NUCKS1: variants seen among roughly 807,000 people sequenced by gnomAD.
NUCKS1 encodes the protein nuclear ubiquitous casein and cyclin-dependent kinase substrate 1.
A neutral mutation model predicts 33.0 loss-of-function variants in NUCKS1; 2 were observed. That is an observed-to-expected ratio of 0.06 (90% CI 0.02 to 0.19). NUCKS1 has a LOEUF of 0.19. Among genes scored for constraint, NUCKS1 ranks in the 10% least tolerant of loss-of-function variants. NUCKS1 has a pLI of 1.00. For synonymous variants in NUCKS1, 106 were observed against 102.8 expected (o/e 1.03, Z -0.19); for missense variants, 201 against 293.6 (o/e 0.68, Z 2.31).
intron 6 of NUCKS1, 76 bp from the exon 7 acceptor site, chr1:205,718,555 A>G (rs1000575053): frequency 6.4e-7 from 1 of 1,568,256 alleles, no homozygotes; most frequent in African/African-American, 1.4e-5. Context: ...AAAATACAAC[A>G]ATCTGTAAGA....
chr1:205,714,373 C>T lies in NUCKS1; in HGVS notation c.*3907G>A, dbSNP rs1462849606. 1 of 152,040 alleles carries T rather than the reference C, an allele frequency of 6.6e-6. No individual in the cohort carries two copies. The highest frequency in any genetic ancestry group is 1.5e-5 in the Non-Finnish European group (1 of 68,020). 9.4% of individuals were successfully genotyped at this position (152,040 alleles called of 1,614,324 possible). A position where few individuals can be genotyped will look rare whatever the true frequency, so the allele number is the denominator to read the frequency against. On this transcript the variant is annotated 3_prime_UTR_variant, in exon 7 of 7. Coordinates refer to ENST00000367142, the MANE Select transcript of NUCKS1 (RefSeq NM_022731.5). ...CAACGGTGGCATTCTACCAGCCACACAAAGCATGCTCAAACAGATGTCACC... is the reference window on the plus strand; with the variant it reads ...CAACGGTGGCATTCTACCAGCCACATAAAGCATGCTCAAACAGATGTCACC...
chr1:205,720,911 T>C (rs1012953716), intron 4 of NUCKS1, among the ~76,000 whole-genome samples: 4 of 152,162 alleles, frequency 2.6e-5, no homozygotes, highest in Non-Finnish European at 5.9e-5. Flanking sequence ...ATACACACCA[T>C]GGAATACTAT....
In NUCKS1 at chr1:205,719,626, C is replaced by T; in HGVS notation, c.433G>A (p.Asp145Asn). Reference protein sequence around the residue: ...DFLMEDDDDSDYGSSKKKNKK... With the variant: ...DFLMEDDDDSNYGSSKKKNKK... ...TTTTTCTTTTTCGAACTGCCATAGT[C>T]ACTATCGTCATCATCTTCCATTAGG... Residue 145 changes from aspartate (D) to asparagine (N), a missense_variant, in exon 6 of 7, where the codon GAC (aspartate) becomes AAC (asparagine). Coordinates refer to ENST00000367142, the MANE Select transcript of NUCKS1 (RefSeq NM_022731.5). The T allele has an allele frequency of 6.2e-7, 1 of 1,613,654 alleles. No homozygotes were observed. Among genetic ancestry groups the T allele is most frequent in the Non-Finnish European group, 8.5e-7 (1 of 1,179,850 alleles).
chr1:205,747,066 TGAAAGC>T (rs1296825021), intron 1 of NUCKS1, among the ~76,000 whole-genome samples: 3 of 152,200 alleles, frequency 2.0e-5, no homozygotes, highest in Admixed American at 6.5e-5. Context: ...AGTTGACTCA[TGAAAGC>T]ACTTAAAAAA....
intron 1 of NUCKS1, among the ~76,000 whole-genome samples, chr1:205,748,505 G>C (rs1324138941): frequency 6.6e-6 from 1 of 152,218 alleles, no homozygotes; most frequent in African/African-American, 2.4e-5. Flanking sequence ...ACTATACTCT[G>C]AAAGAGCTAT....
intron 1 of NUCKS1, among the ~76,000 whole-genome samples, chr1:205,745,668 G>A (rs549737872): frequency 6.2e-4 from 95 of 152,112 alleles, no homozygotes; most frequent in Non-Finnish European, 1.0e-3. Flanking sequence ...CTGAATACTA[G>A]GCAAGAAAGA....
chr1:205,740,065 T>C (rs553631214), intron 1 of NUCKS1, among the ~76,000 whole-genome samples: 1 of 133,364 alleles, frequency 7.5e-6, no homozygotes, highest in African/African-American at 2.8e-5. Context: ...TACAGTGGCA[T>C]GATGATGGCT....
At chr1:205,740,754 G>T (rs1433771221) in intron 1 of NUCKS1, among the ~76,000 whole-genome samples, 1 of 151,282 alleles carries the variant, frequency 6.6e-6, no homozygotes, top group African/African-American at 2.4e-5. Context: ...TGCAGAAAAC[G>T]GAGGTGGGTA....
chr1:205,741,461 A>C (rs962230327), intron 1 of NUCKS1, among the ~76,000 whole-genome samples: 1 of 152,270 alleles, frequency 6.6e-6, no homozygotes, highest in African/African-American at 2.4e-5. Flanking sequence ...AGAAACCTCT[A>C]ATGTGTGAGA....
At chr1:205,729,657 A>G in intron 1 of NUCKS1, 36 bp from the exon 2 acceptor site, 3 of 1,464,508 alleles carry the variant, frequency 2.0e-6, no homozygotes, top group Non-Finnish European at 2.9e-6. Context: ...AAATCATAAA[A>G]CTGTAGGATT....
chr1:205,748,907 G>A (rs558296974), intron 1 of NUCKS1, among the ~76,000 whole-genome samples: 1 of 152,088 alleles, frequency 6.6e-6, no homozygotes, highest in Non-Finnish European at 1.5e-5. Context: ...CCTTTTTAAG[G>A]CCTCAACAGA....
chr1:205,730,567 C>A (rs187559591), intron 1 of NUCKS1, among the ~76,000 whole-genome samples: 38 of 151,930 alleles, frequency 2.5e-4, no homozygotes, highest in Non-Finnish European at 4.6e-4. Context: ...TGGCTCACTG[C>A]AACCTCTGCC....
At chr1:205,727,571 G>T in intron 3 of NUCKS1, 129 bp downstream of exon 3, 1 of 685,496 alleles carries the variant, frequency 1.5e-6, no homozygotes, top group Non-Finnish European at 2.6e-6. Context: ...TATGAAATAT[G>T]CAAAATATTA....
intron 2 of NUCKS1, among the ~76,000 whole-genome samples, chr1:205,729,005 G>A (rs773666579): frequency 7.6e-4 from 116 of 151,768 alleles, no homozygotes; most frequent in Non-Finnish European, 8.7e-4. Flanking sequence ...GTCTCTTTCT[G>A]TTGCCCAGGC....
chr1:205,725,464 A>T (rs1333748567), intron 3 of NUCKS1, among the ~76,000 whole-genome samples: 1 of 152,248 alleles, frequency 6.6e-6, no homozygotes, highest in Non-Finnish European at 1.5e-5. Flanking sequence ...AAGCAACCTG[A>T]GTCCAAGACA....
At chr1:205,723,264 A>G (rs1379459833) in intron 4 of NUCKS1, among the ~76,000 whole-genome samples, 1 of 152,250 alleles carries the variant, frequency 6.6e-6, no homozygotes, top group East Asian at 1.9e-4. Flanking sequence ...AAGGGAATGT[A>G]GGTCAAAACT....
chr1:205,739,324 A>G (rs1291176643), intron 1 of NUCKS1, among the ~76,000 whole-genome samples: 1 of 152,228 alleles, frequency 6.6e-6, no homozygotes, highest in East Asian at 1.9e-4. Flanking sequence ...AAGTTGCTGC[A>G]CACCAAGTAC....
intron 1 of NUCKS1, among the ~76,000 whole-genome samples, chr1:205,747,373 C>A (rs1229080415): frequency 6.6e-6 from 1 of 152,164 alleles, no homozygotes; most frequent in African/African-American, 2.4e-5. Flanking sequence ...TATTTGAGCT[C>A]TCATTTAACA....
chr1:205,746,356 G>C (rs889500175), intron 1 of NUCKS1, among the ~76,000 whole-genome samples: 1 of 152,040 alleles, frequency 6.6e-6, no homozygotes, highest in African/African-American at 2.4e-5. Context: ...TTGATGGCAT[G>C]TCTTTGAAGG....
Sources: allele counts gnomAD v4.1 joint callset (sites outside exome capture counted in the v4.1 genomes callset), GRCh38; gene constraint gnomAD v4.1.1; transcripts MANE v1.5; gene names NCBI Gene and HGNC (gene_info 2026-07-23, HGNC 2026-07-21).